The following MMS19 variants were observed in gnomAD, a reference collection of about 807,000 sequenced individuals.
MMS19 encodes the protein MMS19 nucleotide excision repair protein homolog.
Under a neutral mutation model 129.8 loss-of-function variants are expected in MMS19, and 77 were observed. The observed-to-expected ratio is 0.59, with a 90% confidence interval of 0.49 to 0.72. The LOEUF is 0.72. Ranked by LOEUF, MMS19 falls within the 30% of genes least tolerant of loss-of-function variation. The pLI is 0.00. For synonymous variants in MMS19, 491 were observed against 502.8 expected, an observed-to-expected ratio of 0.98 and a Z score of 0.31; for missense variants, 1,168 against 1,266.3, an observed-to-expected ratio of 0.92 and a Z score of 1.18.
At position 97,466,760 on chromosome 10, in the gene MMS19, T is replaced by G; in HGVS notation, c.1423+16A>C. On this transcript the variant is annotated intron_variant, in intron 15 of 30. Transcript: ENST00000438925. ...AAGGACCAATATTTTCCTCTTCTCT[T>G]TCCCTTAAGATGTACCTGGCTGGGC... The G allele has an allele frequency of 6.2e-7, 1 of 1,614,024 alleles. No homozygotes were observed. The highest frequency in any genetic ancestry group is 8.5e-7 in the Non-Finnish European group (1 of 1,179,884).
At chr10:97,491,406 C>T (rs2038863393) in intron 1 of MMS19, among the ~76,000 whole-genome samples, 1 of 152,218 alleles carries the variant, frequency 6.6e-6, no homozygotes, top group South Asian at 2.1e-4. Flanking sequence ...GTGGCTCACG[C>T]CTATAATCCC....
chr10:97,469,965 G>A (rs902753951), intron 10 of MMS19, among the ~76,000 whole-genome samples, 164 bp downstream of exon 10: 14 of 152,176 alleles, frequency 9.2e-5, no homozygotes, highest in Non-Finnish European at 1.3e-4. Context: ...GATGGGACAC[G>A]ACGATATGCA....
intron 26 of MMS19, 70 bp from the exon 27 acceptor site, chr10:97,459,811 CTG>C (rs1390120326): frequency 7.8e-7 from 1 of 1,285,090 alleles, no homozygotes; most frequent in African/African-American, 1.5e-5. Context: ...CAATTCCAAT[CTG>C]TGGTGAGGCT....
chr10:97,485,520 C>A (rs891358678), intron 1 of MMS19, among the ~76,000 whole-genome samples: 1 of 152,168 alleles, frequency 6.6e-6, no homozygotes, highest in Non-Finnish European at 1.5e-5. Flanking sequence ...GCCATGTTGG[C>A]CAGGCTGGTT....
At chr10:97,468,014 C>G (rs2033891724) in intron 13 of MMS19, among the ~76,000 whole-genome samples, 1 of 151,660 alleles carries the variant, frequency 6.6e-6, no homozygotes, top group Non-Finnish European at 1.5e-5. Context: ...TGGGATCTCA[C>G]TTTGTTGCCC....
intron 27 of MMS19, 56 bp downstream of exon 27, chr10:97,459,603 C>A: frequency 1.3e-6 from 2 of 1,599,078 alleles, no homozygotes; most frequent in Non-Finnish European, 1.7e-6. Context: ...TTTCTAGCCC[C>A]ATCTGGGGAA....
At chr10:97,486,378 G>C (rs921446020) in intron 1 of MMS19, among the ~76,000 whole-genome samples, 1 of 151,866 alleles carries the variant, frequency 6.6e-6, no homozygotes, top group Non-Finnish European at 1.5e-5. Context: ...ATGGGGTTTC[G>C]CCATGTTGGC....
chr10:97,460,330 C>T (rs1163228743), intron 25 of MMS19, 98 bp from the exon 26 acceptor site: 15 of 1,203,222 alleles, frequency 1.2e-5, no homozygotes, highest in Non-Finnish European at 1.6e-5. Flanking sequence ...GCCTGTAATC[C>T]TAGCACTTTG....
rs745329090 is a variant in MMS19 at position 97,484,136 on chromosome 10, T to C, written c.128A>G (p.Asn43Ser). 9.8e-6 allele frequency: 15 copies of C among 1,535,370 alleles called. No individual in the cohort carries two copies. Among genetic ancestry groups the C allele is most frequent in the African/African-American group, 5.5e-5 (4 of 72,526 alleles). ...TTCCACAACTTGTAACACTGTATAG[T>C]TGCCAGATTTCACATCTGCAGGAAA... Reference protein sequence around the residue: ...DQVAADVKSGNYTVLQVVEAL... With the variant: ...DQVAADVKSGSYTVLQVVEAL... The change falls in exon 2 of 31, where the codon AAC becomes AGC. Residue 43 changes from asparagine (N) to serine (S), a missense_variant. Asn to Ser is a conservative substitution (Grantham distance 46). Transcript: ENST00000438925.
At chr10:97,471,644 G>A (rs2034721560) in intron 8 of MMS19, among the ~76,000 whole-genome samples, 1 of 151,946 alleles carries the variant, frequency 6.6e-6, no homozygotes, top group African/African-American at 2.4e-5. Context: ...CCAAGTAGCT[G>A]GGGTTACAGG....
At chr10:97,486,862 C>CATATATATATGTATAT in intron 1 of MMS19, among the ~76,000 whole-genome samples, 1 of 85,080 alleles carries the variant, frequency 1.2e-5, no homozygotes, top group Non-Finnish European at 2.6e-5. Flanking sequence ...ATTAAAGTGC[C>CATATATATATGTATAT]ATATATATAT....
At chr10:97,485,066 C>T (rs182497068) in intron 1 of MMS19, among the ~76,000 whole-genome samples, 31 of 152,276 alleles carry the variant, frequency 2.0e-4, no homozygotes, top group East Asian at 7.7e-4. Flanking sequence ...TGAGCCACTG[C>T]GTGCGACCTA....
At chr10:97,467,272 C>T (rs749197554) in intron 14 of MMS19, among the ~76,000 whole-genome samples, 1 of 152,156 alleles carries the variant, frequency 6.6e-6, no homozygotes, top group South Asian at 2.1e-4. Flanking sequence ...AGCCACCATG[C>T]CCCGCCTCCT....
chr10:97,477,530 G>A, intron 5 of MMS19, 114 bp from the exon 6 acceptor site: 1 of 1,399,338 alleles, frequency 7.1e-7, no homozygotes, highest in Non-Finnish European at 1.0e-6. Flanking sequence ...ACCAGCATAA[G>A]ATCAATCTAA....
intron 3 of MMS19, chr10:97,480,196 C>G (rs958482197): frequency 4.5e-6 from 2 of 447,534 alleles, no homozygotes; most frequent in African/African-American, 4.1e-5. Context: ...CCCCCGAGCC[C>G]TATGCAAATC....
chr10:97,465,009 C>CT (rs910487575), intron 18 of MMS19, among the ~76,000 whole-genome samples: 12 of 146,340 alleles, frequency 8.2e-5, no homozygotes, highest in African/African-American at 1.5e-4. Flanking sequence ...CAGCCCGGCA[C>CT]TTTTTTTTTT....
chr10:97,463,543 T>G (rs1252139193), intron 19 of MMS19, among the ~76,000 whole-genome samples: 2 of 152,206 alleles, frequency 1.3e-5, no homozygotes, highest in Non-Finnish European at 2.9e-5. Context: ...TAGCAAGTGG[T>G]AGAGTTGAGG....
chr10:97,477,527 T>G, intron 5 of MMS19, 111 bp from the exon 6 acceptor site: 1 of 1,419,718 alleles, frequency 7.0e-7, no homozygotes, highest in Non-Finnish European at 9.8e-7. Context: ...TATACCAGCA[T>G]AAGATCAATC....
intron 9 of MMS19, among the ~76,000 whole-genome samples, chr10:97,470,573 G>A (rs11593116): frequency 0.23 from 35,092 of 152,030 alleles, 4,308 homozygotes; most frequent in Non-Finnish European, 0.27. Context: ...ATAGGTGTGT[G>A]CCACTGAATC....
Sources: allele counts gnomAD v4.1 joint callset (sites outside exome capture counted in the v4.1 genomes callset), GRCh38; gene constraint gnomAD v4.1.1; transcripts MANE v1.5; gene names NCBI Gene and HGNC (gene_info 2026-07-23, HGNC 2026-07-21).